SLC12A2: variants seen among roughly 807,000 people sequenced by gnomAD.
SLC12A2 encodes the protein solute carrier family 12 member 2.
SLC12A2 carries 67 observed loss-of-function variants against 136.3 expected under a neutral mutation model. That is an observed-to-expected ratio of 0.49 (90% CI 0.40 to 0.60). SLC12A2 has a LOEUF of 0.60. Ranked by LOEUF, SLC12A2 falls within the 20% of genes least tolerant of loss-of-function variation. SLC12A2 has a pLI of 0.00. For missense variants in SLC12A2, 1,322 were observed against 1,534.7 expected (o/e 0.86, Z 2.32); for synonymous variants, 619 against 562.9 (o/e 1.10, Z -1.41).
chr5:128,098,583 C>T (rs867332081), intron 1 of SLC12A2, among the ~76,000 whole-genome samples: 14 of 151,056 alleles, frequency 9.3e-5, no homozygotes, highest in Non-Finnish European at 1.2e-4. Context: ...GCAGACACTA[C>T]GGGTTTTGGG....
intron 1 of SLC12A2, among the ~76,000 whole-genome samples, chr5:128,100,674 G>A (rs1561656441): frequency 2.0e-5 from 3 of 152,118 alleles, no homozygotes; most frequent in Middle Eastern, 6.8e-3. Context: ...GATACATACT[G>A]CTTTTCCAGT....
intron 5 of SLC12A2, among the ~76,000 whole-genome samples, chr5:128,132,018 A>G (rs1762041900): frequency 6.6e-6 from 1 of 152,232 alleles, no homozygotes; most frequent in Admixed American, 6.5e-5. Flanking sequence ...AAAAGAAAAA[A>G]AGAAAAATAC....
intron 1 of SLC12A2, among the ~76,000 whole-genome samples, chr5:128,098,984 C>T (rs1760646285): frequency 6.6e-6 from 1 of 152,160 alleles, no homozygotes; most frequent in South Asian, 2.1e-4. Context: ...GAAAGGCTCT[C>T]AGTTAAAAAG....
At chr5:128,162,427 A>G (rs1763070728) in intron 17 of SLC12A2, among the ~76,000 whole-genome samples, 1 of 152,168 alleles carries the variant, frequency 6.6e-6, no homozygotes, top group Non-Finnish European at 1.5e-5. Flanking sequence ...AAACCACACA[A>G]AACACATCTC....
rs775078728 is a variant in SLC12A2 at position 128,174,652 on chromosome 5, C to G, written c.2915C>G (p.Pro972Arg). 6.0e-5 allele frequency: 96 copies of G among 1,592,184 alleles called. No individual in the cohort carries two copies. The highest frequency in any genetic ancestry group is 4.6e-4 in the Admixed American group (26 of 56,456). ...ACTTCCAAACCACTCAGTGAAAAAC[C>G]AATTACACACAAAGGTAATTTTCAT... is the stretch of plus-strand genomic sequence containing the variant. ...LDTSKPLSEKPITHKVEEEDG... is the reference protein window; with the variant it reads ...LDTSKPLSEKRITHKVEEEDG... Residue 972 changes from proline to arginine, a missense_variant, in exon 20 of 27, where the codon CCA becomes CGA. Pro to Arg is a moderately radical substitution (Grantham distance 103). Transcript: ENST00000262461.
In SLC12A2 at chr5:128,141,824, C is replaced by A. The variant is rs1175402862; in HGVS notation, c.1622-6C>A. The A allele has an allele frequency of 1.1e-5, 18 of 1,608,992 alleles. No homozygotes were observed. Among genetic ancestry groups the A allele is most frequent in the Non-Finnish European group, 1.4e-5 (16 of 1,177,508 alleles). Reference sequence around the variant, plus strand: ...TATATTATTCTTGTTGTCACTTGTGCTTTAGGTTCTTGTGTTGTTCGAGAT... The same window carrying A: ...TATATTATTCTTGTTGTCACTTGTGATTTAGGTTCTTGTGTTGTTCGAGAT... On this transcript the variant is annotated splice_polypyrimidine_tract_variant and splice_region_variant and intron_variant, in intron 9 of 26. Transcript: ENST00000262461.
chr5:128,092,665 A>G (rs1032921182), intron 1 of SLC12A2, among the ~76,000 whole-genome samples: 15 of 152,072 alleles, frequency 9.9e-5, no homozygotes, highest in African/African-American at 3.1e-4. Context: ...TTTTTTTTGT[A>G]CAAAGTTTGA....
At chr5:128,149,861 A>T (rs887334334) in intron 12 of SLC12A2, 136 bp from the exon 13 acceptor site, 13 of 682,458 alleles carry the variant, frequency 1.9e-5, no homozygotes, top group Non-Finnish European at 3.3e-5. Flanking sequence ...CATATATGGC[A>T]AACTCTAAAT....
At chr5:128,159,283 A>AC (rs528582677) in intron 16 of SLC12A2, among the ~76,000 whole-genome samples, 1 of 152,160 alleles carries the variant, frequency 6.6e-6, no homozygotes, top group Non-Finnish European at 1.5e-5. Context: ...TAAACTTAAG[A>AC]CCTAAAACAT....
intron 21 of SLC12A2, 98 bp downstream of exon 21, chr5:128,177,250 C>A: frequency 1.2e-6 from 1 of 833,978 alleles, no homozygotes; most frequent in Middle Eastern, 2.4e-4. Context: ...GTTTTTATTT[C>A]CATGGTGAGG....
At chr5:128,159,938 C>T (rs1173844531) in intron 16 of SLC12A2, among the ~76,000 whole-genome samples, 7 of 152,128 alleles carry the variant, frequency 4.6e-5, no homozygotes, top group Admixed American at 2.0e-4. Flanking sequence ...CACATACACA[C>T]GTATGTTTAT....
At chr5:128,113,078 A>G (rs1761215220) in intron 2 of SLC12A2, 145 bp downstream of exon 2, 1 of 565,470 alleles carries the variant, frequency 1.8e-6, no homozygotes, top group African/African-American at 1.9e-5. Flanking sequence ...CCAAATTAAT[A>G]GCTTGTACCT....
chr5:128,112,721 A>T, intron 1 of SLC12A2, 93 bp from the exon 2 acceptor site: 1 of 956,840 alleles, frequency 1.0e-6, no homozygotes, highest in Non-Finnish European at 1.5e-6. Context: ...TGCCCTCTTA[A>T]ATATGGTTAG....
chr5:128,120,035 A>G (rs1357165165), intron 4 of SLC12A2, among the ~76,000 whole-genome samples: 3 of 151,986 alleles, frequency 2.0e-5, no homozygotes. Flanking sequence ...AACCCCATCA[A>G]AAAGTGGGCA....
chr5:128,176,000 CAGTT>C (rs1465077880), intron 20 of SLC12A2, among the ~76,000 whole-genome samples: 4 of 150,604 alleles, frequency 2.7e-5, no homozygotes, highest in Admixed American at 2.0e-4. Context: ...TCTGTTTAGT[CAGTT>C]ATTCTCAGTC....
chr5:128,089,941 G>A (rs1201662397), intron 1 of SLC12A2, among the ~76,000 whole-genome samples: 1 of 152,170 alleles, frequency 6.6e-6, no homozygotes, highest in Non-Finnish European at 1.5e-5. Flanking sequence ...TCGAGGGTGA[G>A]GGGAAGAGTA....
At chr5:128,110,818 A>G in intron 1 of SLC12A2, 1 of 1,476,768 alleles carries the variant, frequency 6.8e-7, no homozygotes, top group Non-Finnish European at 9.5e-7. Context: ...AGAATTTGCA[A>G]GAAATAATCT....
chr5:128,135,101 C>T (rs3805605), intron 6 of SLC12A2, among the ~76,000 whole-genome samples: 258 of 152,134 alleles, frequency 1.7e-3, no homozygotes, highest in Non-Finnish European at 2.9e-3. Flanking sequence ...CAGATGACAC[C>T]GTTTTTCATG....
intron 1 of SLC12A2, among the ~76,000 whole-genome samples, chr5:128,092,456 T>G (rs921592207): frequency 6.6e-6 from 1 of 152,228 alleles, no homozygotes; most frequent in African/African-American, 2.4e-5. Flanking sequence ...GTTGTTGTGA[T>G]TATGGCCTGT....
Sources: gnomAD v4.1 joint callset for allele counts (sites outside exome capture counted in the v4.1 genomes callset) on GRCh38, gnomAD v4.1.1 for gene constraint, MANE v1.5 for transcripts, NCBI Gene and HGNC (gene_info 2026-07-23, HGNC 2026-07-21) for gene names.